DLGAP2: variants seen among roughly 807,000 people sequenced by gnomAD.
DLGAP2 encodes the protein DLG associated protein 2.
In DLGAP2, 26 loss-of-function variants were observed where a neutral mutation model predicts 100.3. That is an observed-to-expected ratio of 0.26 (90% CI 0.19 to 0.36). DLGAP2 has a LOEUF of 0.36. DLGAP2 is among the 10% of genes least tolerant of loss of function. The pLI, the probability that DLGAP2 is intolerant of heterozygous loss-of-function variation, is 1.00. For synonymous variants in DLGAP2, 886 were observed against 630.1 expected (o/e 1.41, Z -6.08); for missense variants, 1,858 against 1,453.2 (o/e 1.28, Z -4.53).
intron 4 of DLGAP2, among the ~76,000 whole-genome samples, chr8:1,526,764 C>T (rs901776365): frequency 2.0e-5 from 3 of 152,178 alleles, no homozygotes; most frequent in Non-Finnish European, 4.4e-5. Context: ...GTGGTGTGAG[C>T]TACGTCTATC....
chr8:1,693,139 TA>T, intron 13 of DLGAP2, among the ~76,000 whole-genome samples: 1 of 124,072 alleles, frequency 8.1e-6, no homozygotes, highest in Middle Eastern at 5.0e-3. Context: ...AACATTAACA[TA>T]TAACAAATAT....
chr8:1,079,882 C>T (rs1352991254), intron 2 of DLGAP2, among the ~76,000 whole-genome samples: 2 of 152,248 alleles, frequency 1.3e-5, no homozygotes, highest in Admixed American at 1.3e-4. Flanking sequence ...ACGTGGCAGG[C>T]AGCTGGGGCC....
At chr8:1,002,400 T>C (rs1207041091) in intron 2 of DLGAP2, 1 of 152,220 alleles carries the variant, frequency 6.6e-6, no homozygotes, top group East Asian at 1.9e-4. Flanking sequence ...AAATGAACAA[T>C]TGACTATTTA....
At chr8:1,540,092 C>A (rs763092085) in intron 4 of DLGAP2, among the ~76,000 whole-genome samples, 3 of 152,184 alleles carry the variant, frequency 2.0e-5, no homozygotes, top group African/African-American at 7.2e-5. Context: ...GCCACAGGCA[C>A]CAACTCAGAG....
chr8:1,503,277 C>T (rs1384801238), intron 4 of DLGAP2, among the ~76,000 whole-genome samples: 1 of 151,756 alleles, frequency 6.6e-6, no homozygotes, highest in Non-Finnish European at 1.5e-5. Context: ...CCCCATGAAA[C>T]ACTCAGTCCC....
chr8:1,482,342 A>G (rs1249620348), intron 3 of DLGAP2, among the ~76,000 whole-genome samples: 1 of 152,228 alleles, frequency 6.6e-6, no homozygotes, highest in African/African-American at 2.4e-5. Flanking sequence ...CCTTCCTCAG[A>G]GTTCTAATCT....
rs189028779 is a variant in DLGAP2, at chr8:837,486, A to C, written c.19-70426A>C. On this transcript the variant is annotated intron_variant, in intron 1 of 14. Transcript: ENST00000637795. ...ATTATTTCTCAGAATCCTTCTTTTC[A>C]ACATTTTTATAGCGTGTTCATCACC... 2.2e-4 allele frequency among the ~76,000 whole-genome samples: 33 copies of C among 152,282 alleles called. No individual in the cohort carries two copies. In the South Asian group the frequency reaches 6.8e-3, roughly 32 times the overall value.
chr8:752,984 G>T (rs936863475), intron 1 of DLGAP2, among the ~76,000 whole-genome samples: 1 of 152,220 alleles, frequency 6.6e-6, no homozygotes, highest in African/African-American at 2.4e-5. Flanking sequence ...TGCAGTCATT[G>T]TGTGGTTACC....
intron 3 of DLGAP2, among the ~76,000 whole-genome samples, chr8:1,480,278 C>T (rs1441009980): frequency 6.6e-6 from 1 of 152,138 alleles, no homozygotes; most frequent in African/African-American, 2.4e-5. Context: ...TTGGAGTCCA[C>T]ATGTGATTTA....
chr8:806,050 T>C (rs1415007028), intron 1 of DLGAP2, among the ~76,000 whole-genome samples: 1 of 152,148 alleles, frequency 6.6e-6, no homozygotes, highest in Non-Finnish European at 1.5e-5. Context: ...TTACAGAGAG[T>C]TTTTGCCAAG....
chr8:1,340,386 G>T (rs909615718), intron 3 of DLGAP2, among the ~76,000 whole-genome samples: 5 of 152,152 alleles, frequency 3.3e-5, no homozygotes, highest in Non-Finnish European at 7.3e-5. Flanking sequence ...AAACACATTT[G>T]TAAGAAAAAA....
intron 2 of DLGAP2, among the ~76,000 whole-genome samples, chr8:1,136,718 C>T (rs1452564061): frequency 6.6e-6 from 1 of 152,180 alleles, no homozygotes; most frequent in Non-Finnish European, 1.5e-5. Flanking sequence ...GAGGAACCAC[C>T]CGAAGCCAGC....
chr8:800,667 T>C (rs1384010078), intron 1 of DLGAP2, among the ~76,000 whole-genome samples: 2 of 152,222 alleles, frequency 1.3e-5, no homozygotes, highest in Non-Finnish European at 2.9e-5. Context: ...CGTGTGCATG[T>C]GTGTACATGT....
At chr8:1,544,208 T>C (rs905118323) in intron 4 of DLGAP2, among the ~76,000 whole-genome samples, 2 of 152,218 alleles carry the variant, frequency 1.3e-5, no homozygotes, top group Non-Finnish European at 2.9e-5. Flanking sequence ...TGGCCCTCTT[T>C]TACCTCCTTG....
chr8:1,107,633 G>A (rs775911466), intron 2 of DLGAP2, among the ~76,000 whole-genome samples: 11 of 152,190 alleles, frequency 7.2e-5, no homozygotes, highest in African/African-American at 9.6e-5. Context: ...TCTGTGTGAC[G>A]TGTGCCTGGA....
intron 3 of DLGAP2, among the ~76,000 whole-genome samples, chr8:1,421,298 T>C (rs905958719): frequency 6.6e-6 from 1 of 152,170 alleles, no homozygotes; most frequent in African/African-American, 2.4e-5. Context: ...CCAGTGCTTT[T>C]TGAACTGAAA....
intron 2 of DLGAP2, among the ~76,000 whole-genome samples, chr8:1,204,908 G>T (rs781372977): frequency 1.3e-5 from 2 of 152,318 alleles, no homozygotes; most frequent in East Asian, 1.9e-4. Flanking sequence ...AGCTGACCAG[G>T]GCTGTTTGCC....
intron 2 of DLGAP2, among the ~76,000 whole-genome samples, chr8:1,132,072 G>A (rs1008158950): frequency 5.9e-5 from 9 of 152,156 alleles, no homozygotes; most frequent in African/African-American, 2.2e-4. Flanking sequence ...ATGCACAAAG[G>A]TTAGTGCTGT....
chr8:1,577,701 C>T (rs1041121708), intron 6 of DLGAP2, among the ~76,000 whole-genome samples: 2 of 152,044 alleles, frequency 1.3e-5, no homozygotes, highest in Non-Finnish European at 2.9e-5. Flanking sequence ...GCAGCAGGGA[C>T]AGGTGTCAAG....
Sources: gnomAD v4.1 joint callset for allele counts (sites outside exome capture counted in the v4.1 genomes callset) on GRCh38, gnomAD v4.1.1 for gene constraint, MANE v1.5 for transcripts, NCBI Gene and HGNC (gene_info 2026-07-23, HGNC 2026-07-21) for gene names.